Variants in WDR75 observed in about 807,000 individuals in gnomAD.
The protein encoded by WDR75 is WD repeat domain 75.
WDR75 carries 52 observed loss-of-function variants against 106.1 expected under a neutral mutation model. The observed-to-expected ratio is 0.49, with a 90% CI of 0.39 to 0.62. WDR75 has a LOEUF of 0.62. Ranked by LOEUF, WDR75 falls within the 20% of genes least tolerant of loss-of-function variation. WDR75 has a pLI of 0.00. For synonymous variants in WDR75, 333 were observed against 335.5 expected, an observed-to-expected ratio of 0.99 and a Z score of 0.08; for missense variants, 905 against 970.3, an observed-to-expected ratio of 0.93 and a Z score of 0.89.
At position 189,452,642 on chromosome 2, in the gene WDR75, G is replaced by A. The variant is rs192205387; in HGVS notation, c.373+747G>A. 1.1e-3 allele frequency among the ~76,000 whole-genome samples: 163 copies of A among 152,126 alleles called. 2 individuals are homozygous for A. The highest frequency in any genetic ancestry group is 3.6e-3 in the African/African-American group (149 of 41,490). ...ACATTTTCACTGTCTTTAGAACATTGGTCCATTGAAACTGCTGTGCATCAG... is the reference window on the plus strand; with the variant it reads ...ACATTTTCACTGTCTTTAGAACATTAGTCCATTGAAACTGCTGTGCATCAG... On this transcript the variant is annotated intron_variant, in intron 4 of 20. Transcript: ENST00000314761.
rs996242354 is a variant in WDR75, at chr2:189,451,820, T to C, written c.298T>C (p.Cys100Arg). The C allele has an allele frequency of 3.1e-6, 5 of 1,613,814 alleles. No individual in the cohort carries two copies. In the Admixed American group the frequency reaches 6.7e-5, roughly 22 times the overall value. ...GILIKTFIVG[C>R]KLHALFTLAQ... is the part of the protein sequence containing the mutation. ...TATCTTTCAGACTTTCATAGTTGGA[T>C]GTAAACTTCATGCCCTCTTTACTCT... The change falls in exon 4 of 21, where the codon TGT becomes CGT. Residue 100 changes from cysteine (C) to arginine (R), a missense_variant. Cys to Arg is a radical substitution (Grantham distance 180). Coordinates refer to ENST00000314761, the MANE Select transcript of WDR75 (RefSeq NM_032168.3).
At chr2:189,460,395 A>G (rs1295695644) in intron 8 of WDR75, among the ~76,000 whole-genome samples, 1 of 152,136 alleles carries the variant, frequency 6.6e-6, no homozygotes, top group Non-Finnish European at 1.5e-5. Context: ...TAGTGTATGG[A>G]GACAATGTAG....
intron 1 of WDR75, among the ~76,000 whole-genome samples, chr2:189,444,397 T>G (rs1686450739): frequency 6.6e-6 from 1 of 152,204 alleles, no homozygotes; most frequent in Non-Finnish European, 1.5e-5. Context: ...ACATGTAAGT[T>G]CCTGGTGTTC....
rs1558988132 is a variant in WDR75, at chr2:189,466,380, C to CTT, written c.1290-43_1290-42dup. The CTT allele has an allele frequency of 1.4e-5, 23 of 1,600,912 alleles. 1 individual carries two copies. In the East Asian group the frequency reaches 4.9e-4, roughly 34 times the overall value. ...ATGTCAGAAATTCTTATATACATCA[C>CTT]TTTGTCCTCATGCAAGAATAAATTT... On this transcript the variant is annotated intron_variant, in intron 12 of 20. Transcript: ENST00000314761.
At position 189,467,589 on chromosome 2, in the gene WDR75, A is replaced by T. The variant is rs567402066; in HGVS notation, c.1569A>T (p.Ile523=). 4 of 1,610,048 alleles carry T rather than the reference A, an allele frequency of 2.5e-6. No individual in the cohort carries two copies. The African/African-American group carries it at 5.4e-5, about 22-fold the overall frequency. Residue 523 remains isoleucine, a synonymous_variant, in exon 14 of 21, where the codon ATA becomes ATT. Transcript: ENST00000314761. ...TTAGTTTTGAGGAAATAGTCACAAT[A>T]TGGGATTCTGTAACATGGGAACTTA... ...LAVSFEEIVT[I]WDSVTWELKC... is the part of the protein sequence containing the mutation.
At position 189,470,142 on chromosome 2, in the gene WDR75, T is replaced by G; in HGVS notation, c.1886T>G (p.Val629Gly). 6.2e-7 allele frequency: 1 copy of G among 1,613,636 alleles called. No individual in the cohort carries two copies. Among genetic ancestry groups the G allele is most frequent in the Non-Finnish European group, 8.5e-7 (1 of 1,179,646 alleles). The change falls in exon 17 of 21, where the codon GTC becomes GGC. Residue 629 changes from valine to glycine, a missense_variant. Transcript: ENST00000314761. ...CAAAAGGGTATCTCCAGAGAGAAAG[T>G]CCAGTGGGGAGTGTTTGTTCCACGA... is the stretch of plus-strand genomic sequence containing the variant. ...YIQKGISREK[V>G]QWGVFVPRDV...
intron 1 of WDR75, among the ~76,000 whole-genome samples, chr2:189,444,096 AT>A (rs150157254): frequency 1.8e-4 from 27 of 150,210 alleles, no homozygotes; most frequent in Non-Finnish European, 2.7e-4. Context: ...AGATTTAGAG[AT>A]TTTTTTTTTG....
rs753356375 is a variant in WDR75, at chr2:189,467,463, C to T, written c.1448-5C>T. ...TTCTGAACATTATGGCTTATATTTC[C>T]ACAGAAAAAGCTGTTGGCTGGACCT... is the stretch of plus-strand genomic sequence containing the variant. On this transcript the variant is annotated splice_region_variant and splice_polypyrimidine_tract_variant and intron_variant, in intron 13 of 20. Coordinates refer to ENST00000314761, the MANE Select transcript of WDR75 (RefSeq NM_032168.3). 2 of 1,586,888 alleles carry T rather than the reference C, an allele frequency of 1.3e-6. No homozygotes were observed. Among genetic ancestry groups the T allele is most frequent in the Non-Finnish European group, 8.6e-7 (1 of 1,166,600 alleles).
chr2:189,469,183 C>T (rs980042391), intron 15 of WDR75, among the ~76,000 whole-genome samples, 161 bp from the exon 16 acceptor site: 1 of 152,126 alleles, frequency 6.6e-6, no homozygotes, highest in African/African-American at 2.4e-5. Context: ...GTTTTTCTTT[C>T]GGCCTCTCAC....
intron 8 of WDR75, 65 bp downstream of exon 8, chr2:189,459,489 G>A (rs75875035): frequency 0.04 from 57,584 of 1,430,368 alleles, 1,677 homozygotes; most frequent in African/African-American, 0.14. Context: ...TTAATTCACT[G>A]TATTTTTAGT....
intron 4 of WDR75, chr2:189,452,192 T>A (rs1025304252): frequency 3.4e-5 from 10 of 292,018 alleles, no homozygotes; most frequent in Middle Eastern, 1.1e-3. Flanking sequence ...AATCTGTTAT[T>A]AAGCATCACT....
Position 189,463,971 on chromosome 2 carries a change from T to G in WDR75, c.1113+10T>G. 1 of 1,605,906 alleles carries G rather than the reference T, an allele frequency of 6.2e-7. No homozygotes were observed. The highest frequency in any genetic ancestry group is 1.1e-5 in the South Asian group (1 of 90,458). On this transcript the variant is annotated intron_variant, in intron 11 of 20. Coordinates refer to ENST00000314761, the MANE Select transcript of WDR75 (RefSeq NM_032168.3). The stretch of plus-strand genomic sequence containing the variant: ...TAAACAGTTATACAATGTAAGATTT[T>G]GATCATTAGCCTTGAAATTAATGAA...
intron 18 of WDR75, among the ~76,000 whole-genome samples, chr2:189,471,177 T>C (rs952906121): frequency 2.0e-5 from 3 of 152,176 alleles, no homozygotes; most frequent in Admixed American, 2.0e-4. Context: ...TCTCAAATCT[T>C]TTAGCTGAAG....
chr2:189,455,729 A>G (rs906612102), intron 5 of WDR75: 29 of 203,422 alleles, frequency 1.4e-4, no homozygotes, highest in African/African-American at 6.7e-4. Context: ...AATGTTTATA[A>G]TTAATATGCC....
At chr2:189,445,466 T>G (rs1686477250) in intron 1 of WDR75, among the ~76,000 whole-genome samples, 1 of 151,930 alleles carries the variant, frequency 6.6e-6, no homozygotes. Context: ...GAGGAAGGGC[T>G]TCCGGGAGAA....
At chr2:189,459,740 A>G (rs1686821608) in intron 8 of WDR75, among the ~76,000 whole-genome samples, 1 of 152,258 alleles carries the variant, frequency 6.6e-6, no homozygotes, top group African/African-American at 2.4e-5. Context: ...GTAGCTTATC[A>G]GGTGCAAGTA....
At chr2:189,468,892 A>G (rs1419487469) in intron 15 of WDR75, among the ~76,000 whole-genome samples, 1 of 152,152 alleles carries the variant, frequency 6.6e-6, no homozygotes, top group Non-Finnish European at 1.5e-5. Flanking sequence ...TTTAATACTT[A>G]CTAATCTACA....
intron 1 of WDR75, among the ~76,000 whole-genome samples, chr2:189,447,572 G>T (rs1040980246): frequency 1.3e-5 from 2 of 152,220 alleles, no homozygotes; most frequent in Admixed American, 6.5e-5. Context: ...GACTAGTACA[G>T]TGTCTGCATC....
At chr2:189,453,460 C>T (rs115916404) in intron 4 of WDR75, among the ~76,000 whole-genome samples, 3,643 of 152,232 alleles carry the variant, frequency 0.024, 158 homozygotes, top group African/African-American at 0.084. Context: ...ATTCTAAACA[C>T]TGACTACACA....
Sources: allele counts gnomAD v4.1 joint callset (sites outside exome capture counted in the v4.1 genomes callset), GRCh38; gene constraint gnomAD v4.1.1; transcripts MANE v1.5; gene names NCBI Gene and HGNC (gene_info 2026-07-23, HGNC 2026-07-21).